Variants in NFATC3 observed in about 807,000 individuals in gnomAD.
NFATC3 encodes nuclear factor of activated T cells 3, also known as nuclear factor of activated T-cells, cytoplasmic 3.
In NFATC3, 46 loss-of-function variants were observed where a neutral mutation model predicts 98.6. The ratio of observed to expected loss-of-function variants is 0.47; its 90% CI spans 0.37 to 0.60. The LOEUF (loss-of-function observed/expected upper bound fraction) is 0.60, where lower values mean the gene tolerates loss of function less well. Among genes scored for constraint, NFATC3 ranks in the 20% least tolerant of loss-of-function variants. The pLI is 0.00. For missense variants in NFATC3, 1,256 were observed against 1,295.5 expected (o/e 0.97, Z 0.47); for synonymous variants, 512 against 472.2 (o/e 1.08, Z -1.09).
chr16:68,217,019 G>C (rs976433723), intron 9 of NFATC3, among the ~76,000 whole-genome samples: 3 of 152,084 alleles, frequency 2.0e-5, no homozygotes, highest in Non-Finnish European at 4.4e-5. Context: ...TCTTCAAATC[G>C]TGCATGTATT....
chr16:68,114,935 C>T (rs1424932667), intron 1 of NFATC3, among the ~76,000 whole-genome samples: 1 of 152,134 alleles, frequency 6.6e-6, no homozygotes, highest in Non-Finnish European at 1.5e-5. Flanking sequence ...AATGTTGCTA[C>T]CAATGTCCTC....
At chr16:68,111,318 CAT>C (rs2035935661) in intron 1 of NFATC3, among the ~76,000 whole-genome samples, 1 of 152,126 alleles carries the variant, frequency 6.6e-6, no homozygotes, top group Non-Finnish European at 1.5e-5. Flanking sequence ...GTATTGGGTG[CAT>C]ATATATTTAG....
intron 8 of NFATC3, among the ~76,000 whole-genome samples, chr16:68,186,020 T>C (rs973977359): frequency 3.3e-5 from 5 of 152,180 alleles, no homozygotes; most frequent in Non-Finnish European, 7.3e-5. Flanking sequence ...TGGGTTGCAC[T>C]GTAACTCATC....
chr16:68,209,696 G>T, intron 9 of NFATC3: 1 of 433,522 alleles, frequency 2.3e-6, no homozygotes, highest in Non-Finnish European at 4.5e-6. Flanking sequence ...ATGACAAGAA[G>T]CTAGGGGGAA....
At chr16:68,199,697 C>T (rs1162585791) in intron 9 of NFATC3, 1 of 152,042 alleles carries the variant, frequency 6.6e-6, no homozygotes, top group Non-Finnish European at 1.5e-5. Context: ...TGCCATTCTC[C>T]TGCCTCAGCC....
chr16:68,199,686 A>G (rs892544867), intron 9 of NFATC3: 1 of 151,634 alleles, frequency 6.6e-6, no homozygotes, highest in Non-Finnish European at 1.5e-5. Flanking sequence ...TCCCGGGTTC[A>G]TGCCATTCTC....
chr16:68,087,480 TCAG>T (rs886207495), intron 1 of NFATC3, among the ~76,000 whole-genome samples: 1 of 152,212 alleles, frequency 6.6e-6, no homozygotes, highest in African/African-American at 2.4e-5. Context: ...AAGGTAAACA[TCAG>T]CAGTTTTATT....
chr16:68,213,498 TC>T (rs750034131), intron 9 of NFATC3, among the ~76,000 whole-genome samples: 6 of 151,830 alleles, frequency 4.0e-5, no homozygotes, highest in Non-Finnish European at 7.4e-5. Context: ...TGAATTGATT[TC>T]ATAAATTTCT....
At chr16:68,114,459 A>G (rs985842429) in intron 1 of NFATC3, among the ~76,000 whole-genome samples, 10 of 152,090 alleles carry the variant, frequency 6.6e-5, no homozygotes, top group South Asian at 2.1e-4. Context: ...TTTCTTTCAC[A>G]CTATTCATGG....
intron 3 of NFATC3, among the ~76,000 whole-genome samples, chr16:68,129,621 T>G (rs2037016187): frequency 1.3e-5 from 2 of 151,972 alleles, no homozygotes; most frequent in African/African-American, 4.8e-5. Context: ...CAGGCTGTTC[T>G]TGAACCCTTG....
At chr16:68,143,725 C>T (rs2037883631) in intron 3 of NFATC3, among the ~76,000 whole-genome samples, 1 of 152,068 alleles carries the variant, frequency 6.6e-6, no homozygotes, top group Non-Finnish European at 1.5e-5. Flanking sequence ...GTGGTGCTCA[C>T]CTCTAGACCC....
chr16:68,145,593 AT>A (rs1024631172), intron 3 of NFATC3, among the ~76,000 whole-genome samples: 6 of 152,188 alleles, frequency 3.9e-5, no homozygotes, highest in African/African-American at 1.4e-4. Context: ...CCATAGACTT[AT>A]GCTGAGTGGA....
At chr16:68,202,712 T>A (rs912828480) in intron 9 of NFATC3, among the ~76,000 whole-genome samples, 5 of 151,998 alleles carry the variant, frequency 3.3e-5, no homozygotes, top group Non-Finnish European at 5.9e-5. Context: ...CTCGGGAGGC[T>A]GAGGCAGGAG....
Position 68,122,619 on chromosome 16 carries a change from A to G in NFATC3, c.736A>G (p.Arg246Gly), listed in dbSNP as rs756005815. 1.8e-5 allele frequency: 29 copies of G among 1,613,962 alleles called. No homozygotes were observed. The highest frequency in any genetic ancestry group is 2.4e-5 in the Non-Finnish European group (28 of 1,180,030). Reference protein sequence around the residue: ...SPRQSPCHSPRSSVTDENWLS... With the variant: ...SPRQSPCHSPGSSVTDENWLS... ...CAGGCAATCTCCTTGCCACTCTCCT[A>G]GATCCAGTGTCACTGATGAGAATTG... The change falls in exon 2 of 10, where the codon AGA (arginine) becomes GGA (glycine). Residue 246 changes from arginine to glycine, a missense_variant. Transcript: ENST00000346183.
At chr16:68,224,861 T>G (rs1349532435) in intron 9 of NFATC3, 1 of 152,220 alleles carries the variant, frequency 6.6e-6, no homozygotes, top group Non-Finnish European at 1.5e-5. Context: ...TCACATACCA[T>G]AAAATTTATC....
intron 1 of NFATC3, among the ~76,000 whole-genome samples, chr16:68,111,002 C>T (rs140374938): frequency 0.013 from 2,035 of 152,208 alleles, 26 homozygotes; most frequent in Middle Eastern, 0.034. Flanking sequence ...AATTTGATTG[C>T]GCTGTGGTCT....
intron 1 of NFATC3, among the ~76,000 whole-genome samples, chr16:68,098,293 TATTATTA>T (rs1386800745): frequency 4.9e-5 from 6 of 123,632 alleles, no homozygotes; most frequent in Non-Finnish European, 8.2e-5. Flanking sequence ...TTATTATTAT[TATTATTA>T]TTTTTTTTTT....
intron 3 of NFATC3, among the ~76,000 whole-genome samples, chr16:68,135,530 T>C (rs1037652404): frequency 1.3e-4 from 19 of 150,986 alleles, no homozygotes; most frequent in Admixed American, 7.9e-4. Context: ...CTTTAATAAA[T>C]TTAAAATAGT....
chr16:68,145,976 C>G (rs1201254472), intron 3 of NFATC3, among the ~76,000 whole-genome samples: 1 of 152,022 alleles, frequency 6.6e-6, no homozygotes, highest in Non-Finnish European at 1.5e-5. Flanking sequence ...AAACTAGGTG[C>G]AGGGTACATG....
Sources: allele counts gnomAD v4.1 joint callset (sites outside exome capture counted in the v4.1 genomes callset), GRCh38; gene constraint gnomAD v4.1.1; transcripts MANE v1.5; gene names NCBI Gene and HGNC (gene_info 2026-07-23, HGNC 2026-07-21).